The following UGT1A9 variants were observed in gnomAD, a reference collection of about 807,000 sequenced individuals.
UGT1A9 encodes UDP glucuronosyltransferase family 1 member A9.
A neutral mutation model predicts 45.0 loss-of-function variants in UGT1A9; 35 were observed. The ratio of observed to expected loss-of-function variants is 0.78; its 90% confidence interval spans 0.59 to 1.03. The LOEUF (loss-of-function observed/expected upper bound fraction) is 1.03, where lower values mean the gene tolerates loss of function less well. UGT1A9 is among the 50% of genes least tolerant of loss of function. UGT1A9 has a pLI of 0.00. For synonymous variants in UGT1A9, 278 were observed against 250.6 expected (o/e 1.11, Z -1.03); for missense variants, 687 against 666.6 (o/e 1.03, Z -0.34).
chr2:233,712,379 T>C (rs1343800513), intron 1 of UGT1A9, among the ~76,000 whole-genome samples: 12 of 152,190 alleles, frequency 7.9e-5, no homozygotes, highest in African/African-American at 2.9e-4. Flanking sequence ...TTTTTTATAT[T>C]GACAGCCACT....
At chr2:233,689,461 A>G (rs1259384419) in intron 1 of UGT1A9, among the ~76,000 whole-genome samples, 1 of 152,230 alleles carries the variant, frequency 6.6e-6, no homozygotes, top group African/African-American at 2.4e-5. Context: ...ACATTTTAGG[A>G]AAACAGAAGT....
chr2:233,677,392 A>G (rs750782049), intron 1 of UGT1A9, among the ~76,000 whole-genome samples: 1 of 152,226 alleles, frequency 6.6e-6, no homozygotes, highest in Non-Finnish European at 1.5e-5. Context: ...GAAAATCCGC[A>G]TAGAACTTTT....
chr2:233,746,870 G>C (rs544593514), intron 1 of UGT1A9, among the ~76,000 whole-genome samples: 1 of 151,786 alleles, frequency 6.6e-6, no homozygotes, highest in Admixed American at 6.5e-5. Context: ...CCTGATAAAC[G>C]TGGTTAACAG....
At chr2:233,714,881 T>G (rs1441745966) in intron 1 of UGT1A9, among the ~76,000 whole-genome samples, 1 of 150,308 alleles carries the variant, frequency 6.7e-6, no homozygotes, top group East Asian at 2.0e-4. Flanking sequence ...ATCTTTTAAA[T>G]TTTTCTATCT....
At chr2:233,709,121 G>A (rs1349379070) in intron 1 of UGT1A9, among the ~76,000 whole-genome samples, 3 of 152,046 alleles carry the variant, frequency 2.0e-5, no homozygotes, top group Admixed American at 1.3e-4. Flanking sequence ...AACTAATCAT[G>A]GTGGCCAAGG....
At chr2:233,689,578 A>G (rs1275772555) in intron 1 of UGT1A9, among the ~76,000 whole-genome samples, 1 of 152,200 alleles carries the variant, frequency 6.6e-6, no homozygotes, top group African/African-American at 2.4e-5. Flanking sequence ...CTGATTTGCA[A>G]TTAGCTAAGG....
chr2:233,712,935 C>G, intron 1 of UGT1A9: 1 of 1,612,232 alleles, frequency 6.2e-7, no homozygotes, highest in East Asian at 2.2e-5. Context: ...ACGAAGGAAA[C>G]AATTCTAGGA....
In UGT1A9 at chr2:233,769,469, G is replaced by A. The variant is rs1360382156; in HGVS notation, c.1295+1030G>A. 6.2e-7 allele frequency: 1 copy of A among 1,610,132 alleles called. No homozygotes were observed. Among genetic ancestry groups the A allele is most frequent in the Non-Finnish European group, 8.5e-7 (1 of 1,177,710 alleles). On this transcript the variant is annotated intron_variant, in intron 4 of 4. Coordinates refer to ENST00000354728, the MANE Select transcript of UGT1A9 (RefSeq NM_021027.3). The surrounding 1 kb of genome is among the most constrained non-coding windows in gnomAD (Gnocchi z 4.4). Reference sequence around the variant, plus strand: ...CACACGTGTGCATTCATATGCGTGTGTGTGTGTGTGCGTGTGTTTATGAGA... The same window carrying A: ...CACACGTGTGCATTCATATGCGTGTATGTGTGTGTGCGTGTGTTTATGAGA...
At position 233,675,517 on chromosome 2, in the gene UGT1A9, T is replaced by G. The variant is rs190791016; in HGVS notation, c.855+2728T>G. On this transcript the variant is annotated intron_variant, in intron 1 of 4. Coordinates refer to ENST00000354728, the MANE Select transcript of UGT1A9 (RefSeq NM_021027.3). The stretch of plus-strand genomic sequence containing the variant: ...GATATGGTTACAGATAAATAAGAGA[T>G]CTGTGCTTCCCCCCTTGCTGTAAGA... Among the ~76,000 whole-genome samples the G allele has an allele frequency of 9.2e-5, 14 of 152,240 alleles. No individual in the cohort carries two copies. In the East Asian group the frequency reaches 2.7e-3, roughly 29 times the overall value.
At chr2:233,730,637 G>A (rs2078055755) in intron 1 of UGT1A9, among the ~76,000 whole-genome samples, 1 of 152,192 alleles carries the variant, frequency 6.6e-6, no homozygotes, top group African/African-American at 2.4e-5. Flanking sequence ...TCTGGTGCAT[G>A]ATGTGGGGAC....
chr2:233,743,991 G>C (rs368834284), intron 1 of UGT1A9: 29 of 1,251,932 alleles, frequency 2.3e-5, no homozygotes, highest in African/African-American at 7.8e-5. Context: ...GCGCAGGCCC[G>C]AGTGCTCGGA....
chr2:233,685,470 T>C (rs2074740106), intron 1 of UGT1A9, among the ~76,000 whole-genome samples: 2 of 152,234 alleles, frequency 1.3e-5, no homozygotes, highest in Admixed American at 6.5e-5. Flanking sequence ...CCAGTGCAGC[T>C]CTGGAGAACT....
At chr2:233,674,155 G>A (rs2125505218) in intron 1 of UGT1A9, among the ~76,000 whole-genome samples, 1 of 152,224 alleles carries the variant, frequency 6.6e-6, no homozygotes, top group Non-Finnish European at 1.5e-5. Context: ...AGTAGACTTG[G>A]TAACACAGTC....
chr2:233,724,540 G>A (rs1161691820), intron 1 of UGT1A9, among the ~76,000 whole-genome samples: 2 of 122,844 alleles, frequency 1.6e-5, no homozygotes, highest in African/African-American at 3.3e-5. Context: ...CCGGGCAGAG[G>A]CGCTCCTCAC....
At chr2:233,713,542 G>A (rs2076328478) in intron 1 of UGT1A9, 3 of 1,613,882 alleles carry the variant, frequency 1.9e-6, no homozygotes, top group African/African-American at 2.7e-5. Flanking sequence ...GACTTTAAGG[G>A]CACACAGTGT....
In UGT1A9 at chr2:233,717,239, G is replaced by A. The variant is rs28898607; in HGVS notation, c.855+44450G>A. 4.1e-3 allele frequency among the ~76,000 whole-genome samples: 632 copies of A among 152,306 alleles called. 8 individuals are homozygous for A. Among genetic ancestry groups the A allele is most frequent in the African/African-American group, 0.014 (600 of 41,574 alleles). On this transcript the variant is annotated intron_variant, in intron 1 of 4. Coordinates refer to ENST00000354728, the MANE Select transcript of UGT1A9 (RefSeq NM_021027.3). ...TCATCAGGAGGGTTCTTAAGATGCAGACAGTTTTAAGGGGGTTGGAGGAAT... is the reference window on the plus strand; with the variant it reads ...TCATCAGGAGGGTTCTTAAGATGCAAACAGTTTTAAGGGGGTTGGAGGAAT...
intron 1 of UGT1A9, among the ~76,000 whole-genome samples, chr2:233,704,872 T>G (rs902231183): frequency 1.3e-5 from 2 of 152,060 alleles, no homozygotes; most frequent in Non-Finnish European, 2.9e-5. Context: ...GGTGGCTCAC[T>G]CCTGTAATCC....
chr2:233,693,262 G>A (rs1356082894), intron 1 of UGT1A9: 1 of 1,614,118 alleles, frequency 6.2e-7, no homozygotes, highest in South Asian at 1.1e-5. Context: ...ACCAAGAAGA[G>A]CTGAAGAACC....
chr2:233,701,410 C>G (rs905245248), intron 1 of UGT1A9, among the ~76,000 whole-genome samples: 1 of 152,020 alleles, frequency 6.6e-6, no homozygotes, highest in African/African-American at 2.4e-5. Flanking sequence ...CTTTAACACC[C>G]CACTGTCAAC....
Sources: gnomAD v4.1 joint callset for allele counts (sites outside exome capture counted in the v4.1 genomes callset) on GRCh38, gnomAD v4.1.1 for gene constraint, Gnocchi (gnomAD v3.1) non-coding constraint, MANE v1.5 for transcripts, NCBI Gene and HGNC (gene_info 2026-07-23, HGNC 2026-07-21) for gene names.